EVC: variants seen among roughly 807,000 people sequenced by gnomAD.
The protein encoded by EVC is evC complex member EVC.
A neutral mutation model predicts 118.9 loss-of-function variants in EVC; 116 were observed. The observed-to-expected ratio is 0.98, with a 90% CI of 0.84 to 1.14. The LOEUF (loss-of-function observed/expected upper bound fraction) is 1.14. Among genes scored for constraint, EVC ranks in the 50% most tolerant of loss-of-function variants. The probability of loss-of-function intolerance (pLI) is 0.00; values close to 1 mark genes in which losing one functional copy is unlikely to be tolerated. For missense variants in EVC, 1,401 were observed against 1,246.4 expected, an observed-to-expected ratio of 1.12 and a Z score of -1.87; for synonymous variants, 619 against 534.7, an observed-to-expected ratio of 1.16 and a Z score of -2.18.
chr4:5,824,554 A>G, the EVC span: 1 of 981,584 alleles, frequency 1.0e-6, no homozygotes, highest in Non-Finnish European at 1.2e-6. Context: ...CTGACCAGGA[A>G]TTAGCAAACG....
At chr4:5,714,467 A>G (rs565842505) in intron 1 of EVC, among the ~76,000 whole-genome samples, 1 of 150,762 alleles carries the variant, frequency 6.6e-6, no homozygotes, top group Non-Finnish European at 1.5e-5. Context: ...CCATTTCTAA[A>G]TAATGTGCCT....
chr4:5,728,212 A>G (rs2151911449), intron 2 of EVC, among the ~76,000 whole-genome samples: 1 of 152,288 alleles, frequency 6.6e-6, no homozygotes, highest in East Asian at 1.9e-4. Context: ...TGAGCATGGA[A>G]TGTTCTTCCA....
chr4:5,752,650 C>T (rs966993425), intron 8 of EVC, 186 bp from the exon 9 acceptor site: 3 of 685,878 alleles, frequency 4.4e-6, no homozygotes, highest in African/African-American at 3.5e-5. Flanking sequence ...GACACTTAAT[C>T]CCCACCTCGG....
chr4:5,804,203 G>C (rs1024001126), intron 16 of EVC, among the ~76,000 whole-genome samples: 1 of 152,124 alleles, frequency 6.6e-6, no homozygotes, highest in Non-Finnish European at 1.5e-5. Context: ...CTCCCAAAGT[G>C]CTGGGATTAC....
intron 1 of EVC, among the ~76,000 whole-genome samples, chr4:5,718,441 GAGACT>G (rs1464931892): frequency 3.3e-5 from 5 of 152,048 alleles, no homozygotes; most frequent in African/African-American, 1.2e-4. Flanking sequence ...TGTGTTTCGG[GAGACT>G]AGACAGCACT....
At chr4:5,800,112 A>C (rs1026812661) in intron 15 of EVC, among the ~76,000 whole-genome samples, 1 of 152,250 alleles carries the variant, frequency 6.6e-6, no homozygotes, top group Non-Finnish European at 1.5e-5. Flanking sequence ...TGGGAGGCCA[A>C]GGCGGGTGGA....
chr4:5,732,207 A>T (rs925738659), intron 4 of EVC, among the ~76,000 whole-genome samples: 1 of 152,118 alleles, frequency 6.6e-6, no homozygotes, highest in Non-Finnish European at 1.5e-5. Context: ...ATTTGACCCA[A>T]CCCAGAGCAG....
chr4:5,775,062 G>A (rs188917242), intron 11 of EVC, among the ~76,000 whole-genome samples: 21 of 152,120 alleles, frequency 1.4e-4, no homozygotes, highest in Admixed American at 5.2e-4. Flanking sequence ...TACAAATCCC[G>A]CATATTTTTG....
rs397690241 is a variant in EVC at position 5,812,880 on chromosome 4, CT to C, written c.*1845del. On this transcript the variant is annotated 3_prime_UTR_variant, in exon 21 of 21. Transcript: ENST00000264956. The stretch of plus-strand genomic sequence containing the variant: ...CCCACTGTGCTGAGTCAAAGGGTGC[CT>C]TGCCCTGGTCTAATCCAGGACATAG... 62,071 of 152,130 alleles carry C rather than the reference CT, an allele frequency of 0.41. 13,019 individuals are homozygous for C. The highest frequency in any genetic ancestry group is 0.47 in the South Asian group (2,261 of 4,830). 9.4% of individuals were successfully genotyped at this position (152,130 alleles called of 1,614,324 possible). A position where few individuals can be genotyped will look rare whatever the true frequency, so the allele number is the denominator to read the frequency against.
At chr4:5,823,614 T>C in the EVC span, among the ~76,000 whole-genome samples, 5 of 152,234 alleles carry the variant, frequency 3.3e-5, no homozygotes, top group Non-Finnish European at 5.9e-5. Context: ...CTTGCTCTAT[T>C]AGCTCTCGGA....
intron 2 of EVC, among the ~76,000 whole-genome samples, chr4:5,723,529 C>T (rs1252728068): frequency 6.6e-6 from 1 of 152,088 alleles, no homozygotes; most frequent in Non-Finnish European, 1.5e-5. Flanking sequence ...GTATTCCCCC[C>T]TTGAAGGTCA....
At chr4:5,768,409 A>G (rs929474418) in intron 11 of EVC, among the ~76,000 whole-genome samples, 4 of 152,020 alleles carry the variant, frequency 2.6e-5, no homozygotes, top group Admixed American at 2.0e-4. Flanking sequence ...GGGCAGGGAG[A>G]AAGCCTGGAG....
At chr4:5,739,977 T>C (rs1023261242) in intron 5 of EVC, among the ~76,000 whole-genome samples, 1 of 150,732 alleles carries the variant, frequency 6.6e-6, no homozygotes, top group African/African-American at 2.4e-5. Context: ...CCATATTATA[T>C]CTAAATGACC....
chr4:5,733,552 C>G (rs1330598503), intron 5 of EVC, 117 bp downstream of exon 5: 1 of 927,760 alleles, frequency 1.1e-6, no homozygotes, highest in African/African-American at 1.6e-5. Context: ...GGAAACAGAG[C>G]CGCTGTGAGG....
At position 5,786,690 on chromosome 4, in the gene EVC, G is replaced by A. The variant is rs889046674; in HGVS notation, c.1776+2926G>A. 5.3e-5 allele frequency among the ~76,000 whole-genome samples: 8 copies of A among 152,216 alleles called. No homozygotes were observed. The East Asian group carries it at 7.7e-4, about 15-fold the overall frequency. ...AGATCGAGACCATCCTGGCTAACAT[G>A]GTGAAACCCCGTCTCTACTAAAAAT... On this transcript the variant is annotated intron_variant, in intron 12 of 20. Coordinates refer to ENST00000264956, the MANE Select transcript of EVC (RefSeq NM_153717.3).
chr4:5,804,707 T>C (rs779618182), intron 16 of EVC, 23 bp from the exon 17 acceptor site: 1 of 1,607,970 alleles, frequency 6.2e-7, no homozygotes, highest in Non-Finnish European at 8.5e-7. Flanking sequence ...GACCCCTTGA[T>C]TGTCCTGTGT....
chr4:5,824,881 G>A, the EVC span: 1,156 of 985,368 alleles, frequency 1.2e-3, 14 homozygotes, highest in African/African-American at 0.019. Flanking sequence ...CAGATACACT[G>A]CCCTGAGACC....
At chr4:5,801,824 C>A in intron 15 of EVC, 126 bp from the exon 16 acceptor site, 1 of 1,061,652 alleles carries the variant, frequency 9.4e-7, no homozygotes, top group Non-Finnish European at 1.4e-6. Context: ...TGCTTCCTGA[C>A]CAATCCAGGT....
chr4:5,816,646 C>A (rs2152412455), downstream of EVC, among the ~76,000 whole-genome samples: 2 of 134,834 alleles, frequency 1.5e-5, 1 homozygote, highest in Middle Eastern at 7.7e-3. Context: ...TCCCCTCTCT[C>A]CCTTCCCTCC....
Sources: allele counts gnomAD v4.1 joint callset (sites outside exome capture counted in the v4.1 genomes callset), GRCh38; gene constraint gnomAD v4.1.1; transcripts MANE v1.5; gene names NCBI Gene and HGNC (gene_info 2026-07-23, HGNC 2026-07-21).